ANK3: variants seen among roughly 807,000 people sequenced by gnomAD.
The protein encoded by ANK3 is ankyrin-3.
Under a neutral mutation model 370.9 loss-of-function variants are expected in ANK3, and 57 were observed. That is an observed-to-expected ratio of 0.15 (90% CI 0.12 to 0.19). The LOEUF is 0.19. Among genes scored for constraint, ANK3 ranks in the 10% least tolerant of loss-of-function variants. The probability of loss-of-function intolerance (pLI) is 1.00; values close to 1 mark genes in which losing one functional copy is unlikely to be tolerated. For synonymous variants in ANK3, 1,929 were observed against 1,946.3 expected (o/e 0.99, Z 0.23); for missense variants, 4,439 against 5,302.1 (o/e 0.84, Z 5.06).
intron 1 of ANK3, among the ~76,000 whole-genome samples, chr10:60,721,642 G>A (rs2132025386): frequency 6.6e-6 from 1 of 152,270 alleles, no homozygotes; most frequent in East Asian, 1.9e-4. Context: ...CCATGAGACA[G>A]GGAGAAAGGT....
intron 2 of ANK3, among the ~76,000 whole-genome samples, chr10:60,580,112 ACT>A (rs2077730932): frequency 6.6e-6 from 1 of 152,128 alleles, no homozygotes; most frequent in South Asian, 2.1e-4. Context: ...CTGGTAGAAC[ACT>A]CTTCATATTT....
At chr10:60,274,221 C>T (rs2098048409) in intron 4 of ANK3, among the ~76,000 whole-genome samples, 2 of 152,280 alleles carry the variant, frequency 1.3e-5, no homozygotes, top group Non-Finnish European at 2.9e-5. Flanking sequence ...GATCCTCCTT[C>T]TTTGGCCTCC....
At position 60,067,969 on chromosome 10, in the gene ANK3, T is replaced by G; in HGVS notation, c.12285A>C (p.Ala4095=). The change falls in exon 38 of 44, where the codon GCA becomes GCC. Residue 4095 remains alanine, a synonymous_variant. Transcript: ENST00000280772. The part of the protein sequence containing the change: ...SPCERTDIRM[A]IVADHLGLSW... Reference sequence around the variant, plus strand: ...TAAGTCCCAGGTGATCGGCTACTATTGCCATCCTGATATCTGTCCGTTCAC... The same window carrying G: ...TAAGTCCCAGGTGATCGGCTACTATGGCCATCCTGATATCTGTCCGTTCAC... 1.2e-6 allele frequency: 2 copies of G among 1,610,930 alleles called. No homozygotes were observed. Among genetic ancestry groups the G allele is most frequent in the Non-Finnish European group, 1.7e-6 (2 of 1,177,472 alleles).
chr10:60,071,419 C>A lies in ANK3; in HGVS notation c.9462G>T (p.Glu3154Asp). The change falls in exon 37 of 44, where the codon GAG becomes GAT. Residue 3154 changes from glutamate to aspartate, a missense_variant. Coordinates refer to ENST00000280772, the MANE Select transcript of ANK3 (RefSeq NM_020987.5). The part of the protein sequence containing the change: ...PQGSPEDDTL[E>D]QVSFLDSSGK... ...CAGAGCTGTCTAGAAAGGATACTTG[C>A]TCTAGAGTATCATCTTCTGGACTAC... 4 of 1,614,128 alleles carry A rather than the reference C, an allele frequency of 2.5e-6. No homozygotes were observed. The highest frequency in any genetic ancestry group is 3.4e-6 in the Non-Finnish European group (4 of 1,180,008).
intron 2 of ANK3, among the ~76,000 whole-genome samples, chr10:60,408,413 C>T (rs1370005891): frequency 6.6e-6 from 1 of 152,086 alleles, no homozygotes; most frequent in African/African-American, 2.4e-5. Context: ...AAGCGTATGG[C>T]ACCCCCTCCC....
At chr10:60,046,222 CA>C (rs2076936866) in intron 42 of ANK3, among the ~76,000 whole-genome samples, 1 of 151,928 alleles carries the variant, frequency 6.6e-6, no homozygotes, top group African/African-American at 2.4e-5. Flanking sequence ...TTGGTGGTTT[CA>C]AATGTTTGGA....
At chr10:60,156,715 C>T (rs1338299401) in intron 23 of ANK3, among the ~76,000 whole-genome samples, 1 of 152,148 alleles carries the variant, frequency 6.6e-6, no homozygotes, top group South Asian at 2.1e-4. Context: ...TGCAGCATTC[C>T]GGGGCTTAGG....
chr10:60,442,073 A>G (rs568192005), intron 2 of ANK3, among the ~76,000 whole-genome samples: 1 of 151,240 alleles, frequency 6.6e-6, no homozygotes, highest in South Asian at 2.1e-4. Flanking sequence ...TTTGCATATA[A>G]TCTATACACA....
intron 25 of ANK3, among the ~76,000 whole-genome samples, chr10:60,129,446 C>T (rs1427371109): frequency 6.6e-6 from 1 of 152,018 alleles, no homozygotes; most frequent in African/African-American, 2.4e-5. Flanking sequence ...ACTGAGCAAT[C>T]GTCTTTTTAA....
Position 60,106,035 on chromosome 10 carries a change from G to T in ANK3, c.3198C>A (p.His1066Gln), listed in dbSNP as rs1217277221. The T allele has an allele frequency of 6.2e-7, 1 of 1,609,032 alleles. No individual in the cohort carries two copies. The highest frequency in any genetic ancestry group is 1.3e-5 in the African/African-American group (1 of 74,636). The change falls in exon 28 of 44, where the codon CAC (histidine) becomes CAA (glutamine). Residue 1066 changes from histidine (H) to glutamine (Q), a missense_variant. Transcript: ENST00000280772. ...TCTCTTTTCCTCTCATGGACCCAAA[G>T]TGAGGGATTTCCACTATGACAGGGC... ...FLGPVIVEIP[H>Q]FGSMRGKERE... is the part of the protein sequence containing the mutation.
At chr10:60,225,077 T>G (rs2132498814) in intron 8 of ANK3, among the ~76,000 whole-genome samples, 1 of 151,986 alleles carries the variant, frequency 6.6e-6, no homozygotes, top group South Asian at 2.1e-4. Flanking sequence ...CCATTTCCAG[T>G]TATTTTTACA....
At chr10:60,111,059 A>G (rs1473803152) in intron 26 of ANK3, among the ~76,000 whole-genome samples, 1 of 152,202 alleles carries the variant, frequency 6.6e-6, no homozygotes, top group Non-Finnish European at 1.5e-5. Flanking sequence ...CAATGAATAA[A>G]ACTATTTTGC....
intron 25 of ANK3, among the ~76,000 whole-genome samples, chr10:60,127,823 A>C (rs922848514): frequency 2.7e-5 from 4 of 149,438 alleles, no homozygotes; most frequent in Non-Finnish European, 5.9e-5. Flanking sequence ...TCAGCCTCCC[A>C]AGTAGCTGGG....
chr10:60,303,266 C>T (rs1025328874), intron 1 of ANK3, among the ~76,000 whole-genome samples: 18 of 152,066 alleles, frequency 1.2e-4, no homozygotes, highest in Non-Finnish European at 7.4e-5. Flanking sequence ...ACGAAATGAA[C>T]CAGCAACTTA....
At chr10:60,500,275 C>T (rs985726088) in intron 2 of ANK3, among the ~76,000 whole-genome samples, 5 of 152,106 alleles carry the variant, frequency 3.3e-5, no homozygotes, top group African/African-American at 9.7e-5. Context: ...TTCATCTGGG[C>T]TTTGTAAACT....
rs370783050 is a variant in ANK3 at position 60,068,771 on chromosome 10, G to C, written c.12110C>G (p.Ser4037Trp). The C allele has an allele frequency of 1.2e-6, 2 of 1,614,082 alleles. No individual in the cohort carries two copies. Among genetic ancestry groups the C allele is most frequent in the Non-Finnish European group, 8.5e-7 (1 of 1,180,036 alleles). ...GCCACCCCGGGAAGTCTCGGACAACGACGTGTTTCTTGAGGTACTTTCTTC... is the reference window on the plus strand; with the variant it reads ...GCCACCCCGGGAAGTCTCGGACAACCACGTGTTTCTTGAGGTACTTTCTTC... ...DEEESTSRNT[S>W]LSETSRGGQP... The change falls in exon 37 of 44, where the codon TCG becomes TGG. Residue 4037 changes from serine to tryptophan, a missense_variant. By Grantham distance (177) the Ser-to-Trp change is radical. This residue lies in a region of ANK3 where 496 missense variants were observed against 529.3 expected (regional missense o/e 0.94). Coordinates refer to ENST00000280772, the MANE Select transcript of ANK3 (RefSeq NM_020987.5).
rs188744365 is a variant in ANK3, at chr10:60,705,048, G to A, written c.57+28215C>T. On this transcript the variant is annotated intron_variant, in intron 1 of 43. Coordinates refer to the ANK3 transcript ENST00000373827. The stretch of plus-strand genomic sequence containing the variant: ...TTTCCTAGAAAAGCTAAAAATAAAT[G>A]AATTACTTAATTTTCAAAATATGCT... Among the ~76,000 whole-genome samples, 87 of 152,156 alleles carry A rather than the reference G, an allele frequency of 5.7e-4. 2 individuals are homozygous for A. In the South Asian group the frequency reaches 0.012, roughly 21 times the overall value.
rs1413515532 is a variant in ANK3 at position 60,581,417 on chromosome 10, CCTTTTT to C, written c.96+33763_96+33768del. ...AAAACTGCCTATCCAGGTATTTTGCCCTTTTTTTTTTTTTTTTTTTTTTTTAAGACA... is the reference window on the plus strand; with the variant it reads ...AAAACTGCCTATCCAGGTATTTTGCCTTTTTTTTTTTTTTTTTTTAAGACA... On this transcript the variant is annotated intron_variant, in intron 2 of 43. Transcript: ENST00000373827. Among the ~76,000 whole-genome samples the C allele has an allele frequency of 5.0e-4, 60 of 119,494 alleles. No homozygotes were observed. In the Middle Eastern group the frequency reaches 0.023, roughly 47 times the overall value. 78.4% of individuals were successfully genotyped at this position (119,494 alleles called of 152,430 possible). A position where few individuals can be genotyped will look rare whatever the true frequency, so the allele number is the denominator to read the frequency against.
intron 36 of ANK3, among the ~76,000 whole-genome samples, chr10:60,079,494 T>A (rs1473574648): frequency 6.6e-6 from 1 of 152,178 alleles, no homozygotes; most frequent in Non-Finnish European, 1.5e-5. Context: ...TATGCTATGC[T>A]GTTGGCCCAT....
Sources: allele counts gnomAD v4.1 joint callset (sites outside exome capture counted in the v4.1 genomes callset), GRCh38; gene constraint gnomAD v4.1.1; regional missense constraint gnomAD v4.1.1; transcripts MANE v1.5; gene names NCBI Gene and HGNC (gene_info 2026-07-23, HGNC 2026-07-21).